Variants in GNB5 observed in about 807,000 individuals in gnomAD.
GNB5 encodes G protein subunit beta 5.
A neutral mutation model predicts 55.3 loss-of-function variants in GNB5; 37 were observed. The observed-to-expected ratio is 0.67, with a 90% CI of 0.51 to 0.88. The LOEUF (loss-of-function observed/expected upper bound fraction) is 0.88. Ranked by LOEUF, GNB5 falls within the 40% of genes least tolerant of loss-of-function variation. GNB5 has a pLI of 0.00. For missense variants in GNB5, 476 were observed against 515.3 expected (o/e 0.92, Z 0.74); for synonymous variants, 219 against 198.5 (o/e 1.10, Z -0.87).
At chr15:52,163,065 C>A (rs992330886) in intron 3 of GNB5, among the ~76,000 whole-genome samples, 3 of 151,988 alleles carry the variant, frequency 2.0e-5, no homozygotes, top group Admixed American at 6.5e-5. Context: ...ATGGCCCACC[C>A]GGGGGGCAAC....
At chr15:52,127,110 T>G (rs2033450421) in intron 10 of GNB5, among the ~76,000 whole-genome samples, 1 of 152,154 alleles carries the variant, frequency 6.6e-6, no homozygotes, top group African/African-American at 2.4e-5. Flanking sequence ...TAGAGATGTT[T>G]TCAAGCTCTT....
chr15:52,134,423 G>A (rs191972286), intron 8 of GNB5, among the ~76,000 whole-genome samples: 137 of 151,818 alleles, frequency 9.0e-4, no homozygotes, highest in Non-Finnish European at 1.7e-3. Context: ...CATCCCGAGT[G>A]TCTTTACTGA....
chr15:52,189,979 C>T (rs745412622), intron 1 of GNB5, among the ~76,000 whole-genome samples: 1 of 151,892 alleles, frequency 6.6e-6, no homozygotes, highest in Non-Finnish European at 1.5e-5. Flanking sequence ...ATTTCTTTTT[C>T]GGGGTGATGA....
At chr15:52,136,918 T>A in intron 7 of GNB5, 1 of 441,220 alleles carries the variant, frequency 2.3e-6, no homozygotes, top group Non-Finnish European at 4.5e-6. Context: ...ATAACTTAAC[T>A]GCTTGCTGCA....
chr15:52,124,762 C>T, intron 11 of GNB5, 123 bp from the exon 12 acceptor site: 1 of 801,172 alleles, frequency 1.2e-6, no homozygotes, highest in Non-Finnish European at 2.1e-6. Context: ...AGGCACTGTG[C>T]TTTGCCTCAA....
chr15:52,124,669 A>G (rs1183365021), intron 11 of GNB5, 30 bp from the exon 12 acceptor site: 14 of 1,597,150 alleles, frequency 8.8e-6, no homozygotes, highest in Non-Finnish European at 1.1e-5. Context: ...ATAGCTGTTA[A>G]GCCAGTTCCT....
intron 8 of GNB5, among the ~76,000 whole-genome samples, chr15:52,134,343 C>G (rs1459851730): frequency 6.6e-6 from 1 of 152,158 alleles, no homozygotes; most frequent in Non-Finnish European, 1.5e-5. Context: ...TTGGTTTCAA[C>G]TTGGAGCAGA....
chr15:52,143,827 G>A (rs1851036030), intron 6 of GNB5: 1 of 152,190 alleles, frequency 6.6e-6, no homozygotes, highest in Non-Finnish European at 1.5e-5. Flanking sequence ...GCTGCTCTTA[G>A]CAGTTTTGGG....
rs533327834 is a variant in GNB5, at chr15:52,117,353, C to T, written c.*5404G>A. 2.0e-5 allele frequency: 3 copies of T among 152,120 alleles called. No homozygotes were observed. Among genetic ancestry groups the T allele is most frequent in the Non-Finnish European group, 4.4e-5 (3 of 67,996 alleles). The allele number at this position is 152,120 out of a possible 1,614,324, so 9.4% of individuals were successfully genotyped here. ...AGCCTGTCTTTGTTATTTAGGTTGA[C>T]AGGAACATTCAAAATTCTCTCTTCT... is the stretch of plus-strand genomic sequence containing the variant. On this transcript the variant is annotated 3_prime_UTR_variant, in exon 13 of 13. Coordinates refer to ENST00000261837, the MANE Select transcript of GNB5 (RefSeq NM_016194.4).
intron 11 of GNB5, chr15:52,125,249 G>A (rs1397886331): frequency 6.6e-6 from 1 of 152,416 alleles, no homozygotes; most frequent in Non-Finnish European, 1.5e-5. Flanking sequence ...TCCCACAAAG[G>A]AGCCATGAGC....
chr15:52,144,826 T>C (rs1193865907), intron 6 of GNB5, among the ~76,000 whole-genome samples: 4 of 152,086 alleles, frequency 2.6e-5, no homozygotes, highest in African/African-American at 9.7e-5. Flanking sequence ...TCTGCATGTA[T>C]TACCATACAC....
chr15:52,168,599 T>C (rs1006790158), intron 3 of GNB5, among the ~76,000 whole-genome samples: 6 of 152,212 alleles, frequency 3.9e-5, no homozygotes, highest in East Asian at 3.9e-4. Flanking sequence ...ACATTCTTCA[T>C]AGAATAGGAA....
intron 7 of GNB5, among the ~76,000 whole-genome samples, chr15:52,140,859 G>C (rs1287053231): frequency 6.6e-6 from 1 of 152,190 alleles, no homozygotes; most frequent in African/African-American, 2.4e-5. Context: ...CTGCACCCCA[G>C]GGGGTTCCCT....
At chr15:52,157,109 G>C (rs1163693924) in intron 3 of GNB5, among the ~76,000 whole-genome samples, 1 of 151,172 alleles carries the variant, frequency 6.6e-6, no homozygotes, top group East Asian at 2.0e-4. Context: ...CTAATTTTTT[G>C]TATTTTTAGT....
intron 4 of GNB5, among the ~76,000 whole-genome samples, 169 bp from the exon 5 acceptor site, chr15:52,150,094 T>A (rs2034059636): frequency 1.3e-5 from 2 of 151,904 alleles, no homozygotes; most frequent in African/African-American, 4.8e-5. Flanking sequence ...GTGGGGTGAG[T>A]GCAGGAGGGG....
chr15:52,123,352 A>C (rs1270895776), intron 12 of GNB5, among the ~76,000 whole-genome samples: 1 of 151,856 alleles, frequency 6.6e-6, no homozygotes, highest in Non-Finnish European at 1.5e-5. Context: ...AGCAATCCTA[A>C]AACTATTATG....
At chr15:52,178,456 A>T (rs1260524278) in intron 3 of GNB5, among the ~76,000 whole-genome samples, 2 of 152,160 alleles carry the variant, frequency 1.3e-5, no homozygotes, top group African/African-American at 4.8e-5. Context: ...GAGCTGTGGC[A>T]ATCATATTAT....
At chr15:52,177,287 C>T (rs909124567) in intron 3 of GNB5, among the ~76,000 whole-genome samples, 1 of 151,800 alleles carries the variant, frequency 6.6e-6, no homozygotes, top group African/African-American at 2.4e-5. Flanking sequence ...CCCGCCTTGG[C>T]CTCCCAAAGT....
chr15:52,122,869 G>A, intron 12 of GNB5, 101 bp from the exon 13 acceptor site: 1 of 835,216 alleles, frequency 1.2e-6, no homozygotes, highest in Admixed American at 1.7e-5. Context: ...CACATGCATG[G>A]GCATACATAT....
Sources: gnomAD v4.1 joint callset for allele counts (sites outside exome capture counted in the v4.1 genomes callset) on GRCh38, gnomAD v4.1.1 for gene constraint, MANE v1.5 for transcripts, NCBI Gene and HGNC (gene_info 2026-07-23, HGNC 2026-07-21) for gene names.